KLHL32: variants seen among roughly 807,000 people sequenced by gnomAD.
KLHL32 encodes kelch like family member 32.
KLHL32 carries 35 observed loss-of-function variants against 64.8 expected under a neutral mutation model. That is an observed-to-expected ratio of 0.54 (90% CI 0.41 to 0.72). The LOEUF is 0.72. Ranked by LOEUF, KLHL32 falls within the 30% of genes least tolerant of loss-of-function variation. The probability of loss-of-function intolerance (pLI) is 0.00; values close to 1 mark genes in which losing one functional copy is unlikely to be tolerated. For synonymous variants in KLHL32, 259 were observed against 281.0 expected (o/e 0.92, Z 0.78); for missense variants, 589 against 768.5 (o/e 0.77, Z 2.76).
intron 9 of KLHL32, among the ~76,000 whole-genome samples, chr6:97,131,528 A>T (rs1217052798): frequency 1.3e-5 from 2 of 152,212 alleles, no homozygotes; most frequent in Admixed American, 1.3e-4. Context: ...ATCCCAAAAA[A>T]GGATGAAAGT....
intron 1 of KLHL32, among the ~76,000 whole-genome samples, chr6:96,942,654 G>GT (rs1771436618): frequency 1.4e-5 from 2 of 144,232 alleles, no homozygotes; most frequent in African/African-American, 5.2e-5. Context: ...ACAGCTGTGG[G>GT]GTGTGTGTGT....
At chr6:96,991,312 G>A (rs1374894828) in intron 3 of KLHL32, among the ~76,000 whole-genome samples, 4 of 152,110 alleles carry the variant, frequency 2.6e-5, no homozygotes, top group Non-Finnish European at 5.9e-5. Flanking sequence ...CCAGCTGAAG[G>A]GTCCTTCCTG....
intron 4 of KLHL32, among the ~76,000 whole-genome samples, chr6:97,059,667 T>G (rs1341369509): frequency 1.3e-5 from 2 of 152,152 alleles, no homozygotes; most frequent in African/African-American, 4.8e-5. Flanking sequence ...TAAAAAGTCC[T>G]TAGTGCAGTG....
At chr6:97,107,627 A>G (rs527524077) in intron 6 of KLHL32, among the ~76,000 whole-genome samples, 9 of 152,366 alleles carry the variant, frequency 5.9e-5, no homozygotes, top group African/African-American at 2.2e-4. Flanking sequence ...GAAGTGGCCA[A>G]CACCAAACAT....
intron 2 of KLHL32, 124 bp from the exon 3 acceptor site, chr6:96,975,864 GGGAACAGAT>G: frequency 6.0e-6 from 3 of 500,246 alleles, no homozygotes; most frequent in Middle Eastern, 5.4e-4. Context: ...AAGAAAATGA[GGGAACAGAT>G]GGTCACACTC....
At chr6:96,905,309 G>A in the KLHL32 span, among the ~76,000 whole-genome samples, 1 of 152,230 alleles carries the variant, frequency 6.6e-6, no homozygotes, top group Admixed American at 6.5e-5. Context: ...CAGAAAATAT[G>A]TGAAAAGCAA....
chr6:97,042,234 A>AT (rs1785236916), intron 4 of KLHL32, among the ~76,000 whole-genome samples: 1 of 152,220 alleles, frequency 6.6e-6, no homozygotes, highest in African/African-American at 2.4e-5. Context: ...TCCAACGTGG[A>AT]TTTAGTATCT....
chr6:96,930,959 G>A (rs1377692926), intron 1 of KLHL32, among the ~76,000 whole-genome samples: 4 of 152,136 alleles, frequency 2.6e-5, no homozygotes, highest in Non-Finnish European at 5.9e-5. Context: ...AGAATTAATA[G>A]TGGCAGCATC....
chr6:97,020,998 T>C (rs1353100820), intron 3 of KLHL32, among the ~76,000 whole-genome samples: 1 of 150,776 alleles, frequency 6.6e-6, no homozygotes, highest in African/African-American at 2.5e-5. Flanking sequence ...TATATATGTA[T>C]TCCTATATGA....
chr6:96,938,900 T>G (rs991129287), intron 1 of KLHL32, among the ~76,000 whole-genome samples: 3 of 152,150 alleles, frequency 2.0e-5, no homozygotes, highest in African/African-American at 7.2e-5. Flanking sequence ...TTGACTGTTA[T>G]GATATTCTAA....
At chr6:97,013,202 C>T (rs185553206) in intron 3 of KLHL32, among the ~76,000 whole-genome samples, 4 of 152,232 alleles carry the variant, frequency 2.6e-5, no homozygotes, top group Admixed American at 1.3e-4. Context: ...TGTAAAGTTG[C>T]ACATCATAGA....
At chr6:96,990,534 C>T (rs576657327) in intron 3 of KLHL32, among the ~76,000 whole-genome samples, 2 of 152,290 alleles carry the variant, frequency 1.3e-5, no homozygotes, top group East Asian at 3.9e-4. Context: ...GGCTGCAGAT[C>T]TTGGATTGGC....
intron 3 of KLHL32, among the ~76,000 whole-genome samples, chr6:97,039,226 A>G (rs1051973178): frequency 1.3e-5 from 2 of 152,228 alleles, no homozygotes; most frequent in Middle Eastern, 3.2e-3. Context: ...AAATCCTGTC[A>G]TTTGCAGCAA....
chr6:97,041,751 G>A (rs1426467417), intron 4 of KLHL32, 152 bp downstream of exon 4: 1 of 552,382 alleles, frequency 1.8e-6, no homozygotes, highest in East Asian at 3.0e-5. Context: ...TATGACTAAA[G>A]TTATGGAAAG....
At chr6:97,137,163 G>A (rs1191962100) in intron 10 of KLHL32, among the ~76,000 whole-genome samples, 1 of 152,156 alleles carries the variant, frequency 6.6e-6, no homozygotes, top group East Asian at 1.9e-4. Flanking sequence ...ATGGGGCGAA[G>A]TAGTGATACT....
At chr6:96,936,833 G>C (rs1342115714) in intron 1 of KLHL32, among the ~76,000 whole-genome samples, 1 of 152,054 alleles carries the variant, frequency 6.6e-6, no homozygotes, top group African/African-American at 2.4e-5. Flanking sequence ...CCTTAGAACT[G>C]GTGTCTCACA....
At chr6:96,913,266 G>T in the KLHL32 span, among the ~76,000 whole-genome samples, 3 of 152,202 alleles carry the variant, frequency 2.0e-5, no homozygotes, top group Admixed American at 6.5e-5. Flanking sequence ...TTTGAGAGCA[G>T]AAGCTAATTA....
At chr6:96,996,383 A>G (rs1359776040) in intron 3 of KLHL32, among the ~76,000 whole-genome samples, 1 of 152,176 alleles carries the variant, frequency 6.6e-6, no homozygotes, top group African/African-American at 2.4e-5. Flanking sequence ...TGATTAAAAC[A>G]ACAACAACAA....
chr6:96,998,631 G>T (rs990160969), intron 3 of KLHL32, among the ~76,000 whole-genome samples: 1 of 152,114 alleles, frequency 6.6e-6, no homozygotes, highest in Non-Finnish European at 1.5e-5. Flanking sequence ...ATTTTCCTTA[G>T]TCAATTTTAC....
Sources: gnomAD v4.1 joint callset for allele counts (sites outside exome capture counted in the v4.1 genomes callset) on GRCh38, gnomAD v4.1.1 for gene constraint, MANE v1.5 for transcripts, NCBI Gene and HGNC (gene_info 2026-07-23, HGNC 2026-07-21) for gene names.